Variants in DAB1 observed in about 807,000 individuals in gnomAD.
The protein encoded by DAB1 is disabled homolog 1.
DAB1 carries 15 observed loss-of-function variants against 64.6 expected under a neutral mutation model. The ratio of observed to expected loss-of-function variants is 0.23; its 90% CI spans 0.16 to 0.36. The LOEUF is 0.36. Among genes scored for constraint, DAB1 ranks in the 10% least tolerant of loss-of-function variants. The pLI, the probability that DAB1 is intolerant of heterozygous loss-of-function variation, is 1.00. For synonymous variants in DAB1, 235 were observed against 251.9 expected (o/e 0.93, Z 0.64); for missense variants, 596 against 706.7 (o/e 0.84, Z 1.78).
intron 5 of DAB1, among the ~76,000 whole-genome samples, chr1:58,090,936 C>A (rs1483876117): frequency 1.3e-5 from 2 of 152,220 alleles, no homozygotes; most frequent in African/African-American, 4.8e-5. Context: ...TATAGTTTAG[C>A]TGAATAAGTC....
rs1162338182 is a variant in DAB1 at position 56,996,012 on chromosome 1, A to G, written c.*2132T>C. 1 of 152,196 alleles carries G rather than the reference A, an allele frequency of 6.6e-6. No homozygotes were observed. Among genetic ancestry groups the G allele is most frequent in the Non-Finnish European group, 1.5e-5 (1 of 68,028 alleles). 9.4% of individuals were successfully genotyped at this position (152,196 alleles called of 1,614,324 possible). ...CCACATTAGGATGATATTGACATAT[A>G]TTCTTGAATAGACGTTTGGTCAGTT... On this transcript the variant is annotated 3_prime_UTR_variant, in exon 15 of 15. Transcript: ENST00000371236.
chr1:58,051,716 C>T (rs1178084692), intron 5 of DAB1, among the ~76,000 whole-genome samples: 1 of 152,088 alleles, frequency 6.6e-6, no homozygotes, highest in Non-Finnish European at 1.5e-5. Context: ...TTTGTTGTTT[C>T]CTGACTTTTT....
intron 4 of DAB1, among the ~76,000 whole-genome samples, chr1:57,118,087 G>A (rs1046532578): frequency 2.8e-4 from 43 of 152,210 alleles, no homozygotes; most frequent in African/African-American, 9.6e-4. Context: ...AAGACATATA[G>A]GTATAAGCAT....
chr1:57,597,458 G>GA (rs1168557394), intron 7 of DAB1, among the ~76,000 whole-genome samples: 17 of 152,276 alleles, frequency 1.1e-4, no homozygotes, highest in Middle Eastern at 3.4e-3. Context: ...GAGTGTGGGA[G>GA]AAAAAAACTA....
intron 3 of DAB1, among the ~76,000 whole-genome samples, chr1:58,370,700 A>C (rs1189287985): frequency 6.6e-6 from 1 of 152,144 alleles, no homozygotes; most frequent in Non-Finnish European, 1.5e-5. Context: ...ACCTAGCGTG[A>C]GATGATTGAA....
intron 9 of DAB1, among the ~76,000 whole-genome samples, chr1:57,051,051 C>T (rs1537494): frequency 0.011 from 1,647 of 152,198 alleles, 25 homozygotes; most frequent in African/African-American, 0.032. Flanking sequence ...GGAGGAGAGG[C>T]GAAACCAAAT....
Position 57,448,708 on chromosome 1 carries a change from A to T in DAB1, n.626-157542T>A, listed in dbSNP as rs1042423920. On this transcript the variant is annotated intron_variant and non_coding_transcript_variant, in intron 7 of 20. Coordinates refer to the DAB1 transcript ENST00000485760. ...TCTTACTGGCATGAAATAAAAACCA[A>T]TATAGGACACGATTTGATCTGTCCT... is the stretch of plus-strand genomic sequence containing the variant. Among the ~76,000 whole-genome samples the T allele has an allele frequency of 2.0e-5, 3 of 152,150 alleles. No homozygotes were observed. The East Asian group carries it at 5.8e-4, about 29-fold the overall frequency.
chr1:58,013,537 C>T (rs949832878), intron 5 of DAB1, among the ~76,000 whole-genome samples: 5 of 152,194 alleles, frequency 3.3e-5, no homozygotes, highest in Non-Finnish European at 5.9e-5. Flanking sequence ...TCAATTCCTT[C>T]ATTACGACAC....
At chr1:58,107,604 TG>T (rs1651737265) in intron 5 of DAB1, among the ~76,000 whole-genome samples, 2 of 149,084 alleles carry the variant, frequency 1.3e-5, no homozygotes, top group Non-Finnish European at 2.9e-5. Flanking sequence ...GTTTTTTTTC[TG>T]TTTTTGTTTT....
intron 5 of DAB1, among the ~76,000 whole-genome samples, chr1:57,920,923 C>A (rs1003447619): frequency 2.7e-5 from 4 of 150,852 alleles, no homozygotes; most frequent in Non-Finnish European, 5.9e-5. Context: ...CCCTTCTGAG[C>A]CACAAATTCT....
intron 2 of DAB1, among the ~76,000 whole-genome samples, chr1:57,255,518 G>A (rs914845650): frequency 2.0e-5 from 3 of 152,068 alleles, no homozygotes; most frequent in Non-Finnish European, 2.9e-5. Context: ...AAATTAGCTG[G>A]ATGTGGTGAT....
At position 58,384,060 on chromosome 1, in the gene DAB1, T is replaced by TG. The variant is rs559186357; in HGVS notation, n.258-40658_258-40657insC. On this transcript the variant is annotated intron_variant and non_coding_transcript_variant, in intron 3 of 20. Coordinates refer to the DAB1 transcript ENST00000485760. The stretch of plus-strand genomic sequence containing the variant: ...AACACTTGTTATCTTTTGTTGTTGT[T>TG]TTTTTTTTTATAGTAGCCATTGAAA... Among the ~76,000 whole-genome samples, 52 of 150,358 alleles carry TG rather than the reference T, an allele frequency of 3.5e-4. No individual in the cohort carries two copies. In the East Asian group the frequency reaches 7.9e-3, roughly 23 times the overall value.
chr1:57,424,561 T>G (rs1638422677), upstream of DAB1, among the ~76,000 whole-genome samples: 1 of 152,158 alleles, frequency 6.6e-6, no homozygotes, highest in Non-Finnish European at 1.5e-5. Context: ...CCGCCTGGCC[T>G]CTCTCATTTT....
chr1:58,518,277 GGAGAA>G (rs1278778501), intron 2 of DAB1, among the ~76,000 whole-genome samples: 15 of 2,404 alleles, frequency 6.2e-3, no homozygotes, highest in African/African-American at 0.025. Flanking sequence ...AGAGAGGAGA[GGAGAA>G]GAGAAGAGAA....
At chr1:58,350,253 T>G in intron 3 of DAB1, among the ~76,000 whole-genome samples, 1 of 152,242 alleles carries the variant, frequency 6.6e-6, no homozygotes, top group East Asian at 1.9e-4. Flanking sequence ...ATAAATGTCC[T>G]CTTTTGTGAA....
intron 7 of DAB1, among the ~76,000 whole-genome samples, chr1:57,523,534 C>T (rs528536132): frequency 1.2e-4 from 18 of 152,108 alleles, no homozygotes; most frequent in Non-Finnish European, 2.1e-4. Flanking sequence ...ATACATCCAG[C>T]GAAAGCAAAG....
At chr1:57,453,244 G>A (rs2101159095) in intron 7 of DAB1, among the ~76,000 whole-genome samples, 1 of 152,172 alleles carries the variant, frequency 6.6e-6, no homozygotes, top group East Asian at 1.9e-4. Flanking sequence ...CTATTCCAAA[G>A]TTTATATTCA....
chr1:58,079,739 T>C (rs1396323762), intron 5 of DAB1, among the ~76,000 whole-genome samples: 1 of 151,878 alleles, frequency 6.6e-6, no homozygotes, highest in Non-Finnish European at 1.5e-5. Context: ...CACGTTGACC[T>C]TGAACTCCTG....
chr1:57,350,437 G>T (rs574332193), intron 1 of DAB1, among the ~76,000 whole-genome samples: 58 of 152,212 alleles, frequency 3.8e-4, no homozygotes, highest in African/African-American at 1.4e-3. Flanking sequence ...CAAACCATAT[G>T]CTAATGCTTG....
Sources: gnomAD v4.1 joint callset for allele counts (sites outside exome capture counted in the v4.1 genomes callset) on GRCh38, gnomAD v4.1.1 for gene constraint, MANE v1.5 for transcripts, NCBI Gene and HGNC (gene_info 2026-07-23, HGNC 2026-07-21) for gene names.